NCL: variants seen among roughly 807,000 people sequenced by gnomAD.
NCL encodes the protein nucleolin multifunctional protein.
In NCL, 4 loss-of-function variants were observed where a neutral mutation model predicts 77.7. The observed-to-expected ratio is 0.05, with a 90% CI of 0.03 to 0.12. NCL has a LOEUF of 0.12. NCL is among the 10% of genes least tolerant of loss of function. The probability of loss-of-function intolerance (pLI) is 1.00; values close to 1 mark genes in which losing one functional copy is unlikely to be tolerated. For synonymous variants in NCL, 344 were observed against 297.8 expected, an observed-to-expected ratio of 1.16 and a Z score of -1.60; for missense variants, 763 against 860.9, an observed-to-expected ratio of 0.89 and a Z score of 1.42.
rs147282137 is a variant in NCL at position 231,460,815 on chromosome 2, G to A, written c.665C>T (p.Ala222Val). 2 of 1,614,008 alleles carry A rather than the reference G, an allele frequency of 1.2e-6. No individual in the cohort carries two copies. Among genetic ancestry groups the A allele is most frequent in the East Asian group, 2.2e-5 (1 of 44,886 alleles). ...CTTGGCTTTCACAGGAACAACTTTT[G>A]CAGCTTTCTTTCCTTTGGCTGGTGT... is the stretch of plus-strand genomic sequence containing the variant. ...ETTPAKGKKA[A>V]KVVPVKAKNV... Residue 222 changes from alanine to valine, a missense_variant, in exon 4 of 14, where the codon GCA becomes GTA. By Grantham distance (64) the Ala-to-Val change is moderately conservative (BLOSUM62 0). Around this residue, in one of 2 missense-constraint regions of NCL, gnomAD observed 590 missense variants for 570.5 expected, o/e 1.03. Transcript: ENST00000322723.
rs2046969633 is a variant in NCL, at chr2:231,463,325, G to C, written c.19-9C>G. The C allele has an allele frequency of 6.5e-7, 1 of 1,535,682 alleles. No homozygotes were observed. On this transcript the variant is annotated splice_polypyrimidine_tract_variant and intron_variant, in intron 1 of 13. Transcript: ENST00000322723. ...CCTTGATTTTTACCTGCCTAAAATG[G>C]ACACAAATAGATCATTACACCTCCA...
chr2:231,461,285 T>TAAA (rs751465235), intron 3 of NCL, among the ~76,000 whole-genome samples: 3 of 134,998 alleles, frequency 2.2e-5, no homozygotes, highest in African/African-American at 8.4e-5. Flanking sequence ...TCAAAAAAAT[T>TAAA]TAAAAAAAAA....
intron 7 of NCL, chr2:231,458,592 ACTCT>A (rs577477636): frequency 3.1e-6 from 2 of 653,902 alleles, no homozygotes; most frequent in Non-Finnish European, 5.0e-6. Flanking sequence ...CTGATGTCAA[ACTCT>A]CTGTTAGGTA....
Position 231,461,706 on chromosome 2 carries a change from C to T in NCL, c.447G>A (p.Glu149=), listed in dbSNP as rs1131171. The part of the protein sequence containing the change: ...NAKKEDSDEE[E]DDDSEEDEED... ...CCTCATCCTCCTCACTGTCATCATCCTCCTCTTCATCACTGTCTTCCTTCT... is the reference window on the plus strand; with the variant it reads ...CCTCATCCTCCTCACTGTCATCATCTTCCTCTTCATCACTGTCTTCCTTCT... Residue 149 remains glutamate (E), a synonymous_variant, in exon 3 of 14, where the codon GAG becomes GAA. Transcript: ENST00000322723. 360,582 of 1,613,562 alleles carry T rather than the reference C, an allele frequency of 0.22. 49,426 individuals are homozygous for T. Among genetic ancestry groups the T allele is most frequent in the East Asian group, 0.6 (27,004 of 44,848 alleles).
chr2:231,458,879 A>G (rs1031404882), intron 7 of NCL, 122 bp downstream of exon 7: 2 of 1,118,424 alleles, frequency 1.8e-6, no homozygotes, highest in African/African-American at 1.6e-5. Context: ...CATTAAGAGG[A>G]AACCAAAGGA....
chr2:231,463,327 C>A lies in NCL; in HGVS notation c.19-11G>T. 1 of 1,537,650 alleles carries A rather than the reference C, an allele frequency of 6.5e-7. No homozygotes were observed. The highest frequency in any genetic ancestry group is 9.0e-7 in the Non-Finnish European group (1 of 1,113,406). ...TTGATTTTTACCTGCCTAAAATGGA[C>A]ACAAATAGATCATTACACCTCCACC... On this transcript the variant is annotated splice_polypyrimidine_tract_variant and intron_variant, in intron 1 of 13. Transcript: ENST00000322723.
At chr2:231,459,295 G>A (rs2046923535) in intron 6 of NCL, among the ~76,000 whole-genome samples, 170 bp from the exon 7 acceptor site, 2 of 152,160 alleles carry the variant, frequency 1.3e-5, no homozygotes, top group East Asian at 1.9e-4. Context: ...TACAGAACAA[G>A]GTCTCAGCAT....
rs974102864 is a variant in NCL, at chr2:231,454,140, CG to C, written c.*1050del. On this transcript the variant is annotated 3_prime_UTR_variant, in exon 14 of 14. Coordinates refer to ENST00000322723, the MANE Select transcript of NCL (RefSeq NM_005381.3). Reference sequence around the variant, plus strand: ...AGTGTCCACTGGTCTATCCATCTAGCGTGAGTTCTATTCCAGAACTGCTTTT... The same window carrying C: ...AGTGTCCACTGGTCTATCCATCTAGCTGAGTTCTATTCCAGAACTGCTTTT... 3.3e-5 allele frequency: 5 copies of C among 152,194 alleles called. No individual in the cohort carries two copies. Among genetic ancestry groups the C allele is most frequent in the African/African-American group, 1.2e-4 (5 of 41,416 alleles). 9.4% of individuals were successfully genotyped at this position (152,194 alleles called of 1,614,324 possible). A position where few individuals can be genotyped will look rare whatever the true frequency, so the allele number is the denominator to read the frequency against.
At chr2:231,459,239 A>G (rs1463619456) in intron 6 of NCL, 114 bp from the exon 7 acceptor site, 3 of 1,195,438 alleles carry the variant, frequency 2.5e-6, no homozygotes, top group South Asian at 2.1e-5. Context: ...TTTAAAAAGC[A>G]CCCCTAGTAT....
chr2:231,464,025 G>T (rs777090786), intron 1 of NCL: 300 of 950,550 alleles, frequency 3.2e-4, no homozygotes, highest in Non-Finnish European at 3.6e-4. Context: ...GTCAGGAGTC[G>T]AGTCCCAGCT....
chr2:231,457,971 A>ATACTT (rs2125634576), intron 8 of NCL, among the ~76,000 whole-genome samples, 171 bp from the exon 9 acceptor site: 5 of 152,340 alleles, frequency 3.3e-5, no homozygotes, highest in African/African-American at 1.2e-4. Flanking sequence ...AGTTTTACAA[A>ATACTT]TACTTGGAAT....
In NCL at chr2:231,464,436, T is replaced by C; in HGVS notation, c.-83A>G. 6.5e-7 allele frequency: 1 copy of C among 1,538,738 alleles called. No individual in the cohort carries two copies. Among genetic ancestry groups the C allele is most frequent in the Non-Finnish European group, 8.8e-7 (1 of 1,132,842 alleles). On this transcript the variant is annotated 5_prime_UTR_variant, in exon 1 of 14. Coordinates refer to ENST00000322723, the MANE Select transcript of NCL (RefSeq NM_005381.3). ...CGACGGCGATGGCGGCCGCGGGTGC[T>C]GAAGATCCCGGAGCACGTACACCCG...
chr2:231,456,838 G>C, intron 10 of NCL, 74 bp from the exon 11 acceptor site: 1 of 1,585,112 alleles, frequency 6.3e-7, no homozygotes. Context: ...ATGCTGCCAA[G>C]CCCCTTCTCT....
Position 231,454,612 on chromosome 2 carries a change from C to G in NCL, c.*579G>C, listed in dbSNP as rs188001534. The G allele has an allele frequency of 6.5e-6, 1 of 153,182 alleles. No homozygotes were observed. Among genetic ancestry groups the G allele is most frequent in the African/African-American group, 2.4e-5 (1 of 41,528 alleles). The allele number at this position is 153,182 out of a possible 1,614,324, so 9.5% of individuals were successfully genotyped here. A position where few individuals can be genotyped will look rare whatever the true frequency, so the allele number is the denominator to read the frequency against. ...CAGGTCCCCTCACCAGCATTTCAAC[C>G]AAGTTAGTTAGGGCTGGGATACTGG... On this transcript the variant is annotated 3_prime_UTR_variant, in exon 14 of 14. Transcript: ENST00000322723.
chr2:231,462,678 TATAGTGAGC>T, intron 2 of NCL: 1 of 424,038 alleles, frequency 2.4e-6, no homozygotes. Flanking sequence ...CAGCTGTCTT[TATAGTGAGC>T]AAATAAAAGG....
rs202017053 is a variant in NCL, at chr2:231,462,014, C to A, written c.139G>T (p.Val47Phe). The A allele has an allele frequency of 6.2e-7, 1 of 1,613,738 alleles. No individual in the cohort carries two copies. ...TTCTTGCCTTTCTTCTGAGGTATGA[C>A]GACCTTGAGAATAAATGAAAACCAA... ...EEDDSSGEEV[V>F]IPQKKGKKAA... is the part of the protein sequence containing the mutation. Residue 47 changes from valine (V) to phenylalanine (F), a missense_variant, in exon 3 of 14, where the codon GTC (valine) becomes TTC (phenylalanine). Coordinates refer to ENST00000322723, the MANE Select transcript of NCL (RefSeq NM_005381.3).
intron 7 of NCL, 83 bp from the exon 8 acceptor site, chr2:231,458,472 C>A: frequency 6.7e-7 from 1 of 1,487,090 alleles, no homozygotes. Context: ...GAAAAACACA[C>A]ATAGCTCTAT....
Position 231,461,701 on chromosome 2 carries a change from T to C in NCL, c.452A>G (p.Asp151Gly). ...ATCCTCCTCATCCTCCTCACTGTCA[T>C]CATCCTCCTCTTCATCACTGTCTTC... ...KKEDSDEEED[D>G]DSEEDEEDDE... The change falls in exon 3 of 14, where the codon GAT (aspartate) becomes GGT (glycine). Residue 151 changes from aspartate (D) to glycine (G), a missense_variant. Physicochemically the swap from Asp to Gly is moderately conservative, Grantham distance 94 (BLOSUM62 -1). Around this residue, in one of 2 missense-constraint regions of NCL, gnomAD observed 590 missense variants for 570.5 expected, o/e 1.03. Coordinates refer to ENST00000322723, the MANE Select transcript of NCL (RefSeq NM_005381.3). The C allele has an allele frequency of 6.2e-7, 1 of 1,614,090 alleles. No individual in the cohort carries two copies. The highest frequency in any genetic ancestry group is 8.5e-7 in the Non-Finnish European group (1 of 1,179,912).
At position 231,462,578 on chromosome 2, in the gene NCL, A is replaced by G. The variant is rs200094007; in HGVS notation, c.136-561T>C. 82 of 515,054 alleles carry G rather than the reference A, an allele frequency of 1.6e-4. 1 individual carries two copies. The highest frequency in any genetic ancestry group is 2.9e-4 in the Admixed American group (15 of 50,994). The allele number at this position is 515,054 out of a possible 1,614,324, so 31.9% of individuals were successfully genotyped here. A position where few individuals can be genotyped will look rare whatever the true frequency, so the allele number is the denominator to read the frequency against. The stretch of plus-strand genomic sequence containing the variant: ...TTGATAAAAGTCATCATTTAGCTAC[A>G]TTAAAATCCCGTAGTTTTATCAGGC... On this transcript the variant is annotated intron_variant, in intron 2 of 13. Coordinates refer to ENST00000322723, the MANE Select transcript of NCL (RefSeq NM_005381.3).
Sources: gnomAD v4.1 joint callset for allele counts (sites outside exome capture counted in the v4.1 genomes callset) on GRCh38, gnomAD v4.1.1 for gene constraint, gnomAD v4.1.1 regional missense constraint, MANE v1.5 for transcripts, NCBI Gene and HGNC (gene_info 2026-07-23, HGNC 2026-07-21) for gene names.